SDK1: variants seen among roughly 807,000 people sequenced by gnomAD.
The protein encoded by SDK1 is protein sidekick-1.
SDK1 carries 157 observed loss-of-function variants against 245.5 expected under a neutral mutation model. The observed-to-expected ratio is 0.64, with a 90% CI of 0.56 to 0.73. SDK1 has a LOEUF of 0.73. Ranked by LOEUF, SDK1 falls within the 30% of genes least tolerant of loss-of-function variation. The pLI is 0.00. For synonymous variants in SDK1, 1,647 were observed against 1,278.5 expected (o/e 1.29, Z -6.15); for missense variants, 3,583 against 3,002.3 (o/e 1.19, Z -4.52).
At chr7:3,651,451 G>C (rs1387733432) in intron 4 of SDK1, among the ~76,000 whole-genome samples, 2 of 152,198 alleles carry the variant, frequency 1.3e-5, no homozygotes, top group East Asian at 3.9e-4. Flanking sequence ...GGGTGAAAGA[G>C]CAGACAATAT....
At chr7:3,700,394 T>A (rs1389629176) in intron 4 of SDK1, among the ~76,000 whole-genome samples, 1 of 152,164 alleles carries the variant, frequency 6.6e-6, no homozygotes, top group Non-Finnish European at 1.5e-5. Flanking sequence ...CACAGTGATA[T>A]AGAGGAGATG....
chr7:4,191,507 G>C (rs1026007092), intron 35 of SDK1, among the ~76,000 whole-genome samples: 35 of 152,358 alleles, frequency 2.3e-4, no homozygotes, highest in Admixed American at 3.3e-4. Context: ...CCTCCAGGTC[G>C]CCACGCTGGC....
rs186848702 is a variant in SDK1, at chr7:3,323,165, C to A, written c.298+21281C>A. On this transcript the variant is annotated intron_variant, in intron 1 of 44. Transcript: ENST00000404826. ...ATGCTGTCTCCTAGCCCCCTTCCCC[C>A]ACTCGACCGAGGGCCAGGCAAATTC... Among the ~76,000 whole-genome samples the A allele has an allele frequency of 5.1e-3, 773 of 152,196 alleles. 3 individuals carry two copies. Among genetic ancestry groups the A allele is most frequent in the Non-Finnish European group, 8.2e-3 (556 of 68,004 alleles).
intron 22 of SDK1, among the ~76,000 whole-genome samples, chr7:4,107,711 A>G (rs568778441): frequency 6.6e-6 from 1 of 152,222 alleles, no homozygotes; most frequent in Non-Finnish European, 1.5e-5. Context: ...ACTCCCCAGT[A>G]TCTGGTCCCA....
intron 1 of SDK1, among the ~76,000 whole-genome samples, chr7:3,542,166 T>G (rs1403314615): frequency 6.6e-6 from 1 of 152,240 alleles, no homozygotes; most frequent in Admixed American, 6.5e-5. Flanking sequence ...TTCCCAATGA[T>G]AGATTTTTCT....
At chr7:3,972,434 A>G (rs950848836) in intron 12 of SDK1, among the ~76,000 whole-genome samples, 1 of 152,160 alleles carries the variant, frequency 6.6e-6, no homozygotes, top group South Asian at 2.1e-4. Context: ...CGGGCCAGGA[A>G]AGTAACTGCA....
intron 1 of SDK1, among the ~76,000 whole-genome samples, chr7:3,520,779 A>C (rs968356166): frequency 2.6e-5 from 4 of 152,162 alleles, no homozygotes; most frequent in African/African-American, 9.7e-5. Flanking sequence ...CTGGCATAGC[A>C]TGTCTGAGAT....
rs1392944964 is a variant in SDK1, at chr7:3,655,489, A to ATGTATGTATGTATGTATG, written c.713+13385_713+13386insGTATGTATGTATGTATGT. Reference sequence around the variant, plus strand: ...TATATATATATATATATATATATATATATATATATATATATGTATGTATGT... The same window carrying ATGTATGTATGTATGTATG: ...TATATATATATATATATATATATATATGTATGTATGTATGTATGTATATATATATATATGTATGTATGT... On this transcript the variant is annotated intron_variant, in intron 4 of 44. Transcript: ENST00000404826. 4.2e-4 allele frequency among the ~76,000 whole-genome samples: 25 copies of ATGTATGTATGTATGTATG among 59,570 alleles called. 1 individual carries two copies. Among genetic ancestry groups the ATGTATGTATGTATGTATG allele is most frequent in the African/African-American group, 1.1e-3 (23 of 21,230 alleles). 39.1% of individuals were successfully genotyped at this position (59,570 alleles called of 152,430 possible). A position where few individuals can be genotyped will look rare whatever the true frequency, so the allele number is the denominator to read the frequency against.
intron 4 of SDK1, among the ~76,000 whole-genome samples, chr7:3,754,586 T>C (rs979274855): frequency 1.3e-5 from 2 of 151,998 alleles, no homozygotes; most frequent in African/African-American, 4.8e-5. Flanking sequence ...CATTCTCCAG[T>C]GTTCCTCCTT....
intron 1 of SDK1, among the ~76,000 whole-genome samples, chr7:3,346,396 C>T (rs1226738498): frequency 6.6e-6 from 1 of 152,194 alleles, no homozygotes; most frequent in African/African-American, 2.4e-5. Context: ...CTTGTCTCTC[C>T]TTCCTGCCAG....
intron 4 of SDK1, among the ~76,000 whole-genome samples, chr7:3,689,681 T>A (rs1266237042): frequency 6.6e-6 from 1 of 152,252 alleles, no homozygotes; most frequent in Non-Finnish European, 1.5e-5. Context: ...CCTCTCTGTT[T>A]CTTACTTTAG....
At chr7:4,029,841 C>A (rs1358619311) in intron 17 of SDK1, among the ~76,000 whole-genome samples, 1 of 152,112 alleles carries the variant, frequency 6.6e-6, no homozygotes, top group African/African-American at 2.4e-5. Context: ...AATCAGAAAT[C>A]AAAAATAAAT....
chr7:4,213,015 A>G (rs556707991), intron 38 of SDK1, among the ~76,000 whole-genome samples: 14 of 152,246 alleles, frequency 9.2e-5, no homozygotes, highest in African/African-American at 3.4e-4. Flanking sequence ...GGCTGGGCGC[A>G]GGGGCCTGTA....
intron 1 of SDK1, among the ~76,000 whole-genome samples, chr7:3,447,359 C>G (rs1422496761): frequency 6.6e-6 from 1 of 152,160 alleles, no homozygotes; most frequent in South Asian, 2.1e-4. Context: ...TAATCTCCAA[C>G]TGATGTTAAC....
At chr7:3,390,812 G>T (rs1375061819) in intron 1 of SDK1, among the ~76,000 whole-genome samples, 1 of 152,148 alleles carries the variant, frequency 6.6e-6, no homozygotes, top group Non-Finnish European at 1.5e-5. Flanking sequence ...TGGACTTCTG[G>T]CCTCCAGAGC....
intron 1 of SDK1, among the ~76,000 whole-genome samples, chr7:3,342,371 C>G (rs1373894598): frequency 2.0e-5 from 3 of 151,902 alleles, no homozygotes; most frequent in African/African-American, 7.3e-5. Context: ...GGTGGATCAC[C>G]TGAGGTCGGG....
intron 41 of SDK1, among the ~76,000 whole-genome samples, chr7:4,235,121 G>T (rs1360328101): frequency 6.6e-6 from 1 of 152,128 alleles, no homozygotes; most frequent in Non-Finnish European, 1.5e-5. Flanking sequence ...GAATTCCGGG[G>T]TTGCTCTGTG....
intron 4 of SDK1, among the ~76,000 whole-genome samples, chr7:3,788,145 C>T (rs1221212224): frequency 1.3e-5 from 2 of 152,180 alleles, no homozygotes; most frequent in Non-Finnish European, 2.9e-5. Context: ...AGCCACTCTG[C>T]ACTCACTGGC....
Position 3,736,382 on chromosome 7 carries a change from T to C in SDK1, c.714-85068T>C, listed in dbSNP as rs1448557305. Among the ~76,000 whole-genome samples the C allele has an allele frequency of 3.9e-5, 6 of 152,268 alleles. No individual in the cohort carries two copies. In the South Asian group the frequency reaches 6.2e-4, roughly 16 times the overall value. ...GTCTCGGCTCACTGCGAGCTCTGCCTCCCGGGTTCACGCCCTTCTCCTGCC... is the reference window on the plus strand; with the variant it reads ...GTCTCGGCTCACTGCGAGCTCTGCCCCCCGGGTTCACGCCCTTCTCCTGCC... On this transcript the variant is annotated intron_variant, in intron 4 of 44. Coordinates refer to ENST00000404826, the MANE Select transcript of SDK1 (RefSeq NM_152744.4).
Sources: allele counts gnomAD v4.1 joint callset (sites outside exome capture counted in the v4.1 genomes callset), GRCh38; gene constraint gnomAD v4.1.1; transcripts MANE v1.5; gene names NCBI Gene and HGNC (gene_info 2026-07-23, HGNC 2026-07-21).